The following CDC42BPA variants were observed in gnomAD, a reference collection of about 807,000 sequenced individuals.
The protein encoded by CDC42BPA is serine/threonine-protein kinase MRCK alpha.
In CDC42BPA, 80 loss-of-function variants were observed where a neutral mutation model predicts 223.5. That is an observed-to-expected ratio of 0.36 (90% CI 0.30 to 0.43). The LOEUF is 0.43. Among genes scored for constraint, CDC42BPA ranks in the 20% least tolerant of loss-of-function variants. The pLI, the probability that CDC42BPA is intolerant of heterozygous loss-of-function variation, is 1.00. For synonymous variants in CDC42BPA, 694 were observed against 718.6 expected (o/e 0.97, Z 0.55); for missense variants, 1,743 against 2,099.9 (o/e 0.83, Z 3.32).
intron 3 of CDC42BPA, among the ~76,000 whole-genome samples, chr1:227,202,159 T>C (rs1671891659): frequency 1.3e-5 from 2 of 152,260 alleles, no homozygotes; most frequent in South Asian, 2.1e-4. Flanking sequence ...ATTTTTTGTA[T>C]TTTTAGTAGA....
chr1:227,236,519 T>G (rs1679056485), intron 2 of CDC42BPA, among the ~76,000 whole-genome samples: 1 of 148,342 alleles, frequency 6.7e-6, no homozygotes, highest in African/African-American at 2.5e-5. Flanking sequence ...AAAAATAATT[T>G]GTAAGACATA....
In CDC42BPA at chr1:227,021,913, A is replaced by G. The variant is rs564463369; in HGVS notation, c.4615+1350T>C. On this transcript the variant is annotated intron_variant, in intron 32 of 36. Coordinates refer to ENST00000366766, the MANE Select transcript of CDC42BPA (RefSeq NM_001394014.1). ...TGCGTGCCTGTAATCCCAGCTACTC[A>G]GGAGGCTGAGGCAGGAGAATCGCTT... 1.2e-3 allele frequency among the ~76,000 whole-genome samples: 187 copies of G among 151,970 alleles called. 1 individual carries two copies. The highest frequency in any genetic ancestry group is 4.4e-3 in the African/African-American group (184 of 41,458).
intron 2 of CDC42BPA, among the ~76,000 whole-genome samples, chr1:227,236,108 G>C (rs552547924): frequency 1.3e-5 from 2 of 152,236 alleles, no homozygotes; most frequent in African/African-American, 4.8e-5. Context: ...GTGATTCTGT[G>C]AATGAACATT....
rs34787332 is a variant in CDC42BPA, at chr1:227,230,816, C to CTTTTTTTTTTTTTTTTTTTTTTTTTTTTT, written c.271-17598_271-17597insAAAAAAAAAAAAAAAAAAAAAAAAAAAAA. On this transcript the variant is annotated intron_variant, in intron 2 of 36. Coordinates refer to ENST00000366766, the MANE Select transcript of CDC42BPA (RefSeq NM_001394014.1). ...ACTGATTTCTATTTCTTTTTTCTTT[C>CTTTTTTTTTTTTTTTTTTTTTTTTTTTTT]TTTCTTTTTTTTTTTTTTTTTTTGA... Among the ~76,000 whole-genome samples, 29 of 54,046 alleles carry CTTTTTTTTTTTTTTTTTTTTTTTTTTTTT rather than the reference C, an allele frequency of 5.4e-4. 3 individuals are homozygous for CTTTTTTTTTTTTTTTTTTTTTTTTTTTTT. Among genetic ancestry groups the CTTTTTTTTTTTTTTTTTTTTTTTTTTTTT allele is most frequent in the Non-Finnish European group, 7.3e-4 (19 of 26,044 alleles). 35.5% of individuals were successfully genotyped at this position (54,046 alleles called of 152,430 possible).
intron 15 of CDC42BPA, among the ~76,000 whole-genome samples, chr1:227,093,843 G>C (rs150176660): frequency 1.3e-5 from 2 of 152,170 alleles, no homozygotes; most frequent in Non-Finnish European, 2.9e-5. Flanking sequence ...CCTTCAGGCA[G>C]CAAAAGACAG....
At chr1:227,089,927 G>A (rs576428107) in intron 16 of CDC42BPA, among the ~76,000 whole-genome samples, 2 of 152,086 alleles carry the variant, frequency 1.3e-5, no homozygotes, top group Non-Finnish European at 2.9e-5. Context: ...TCTTTTAGTA[G>A]GTAACTCAAC....
intron 3 of CDC42BPA, among the ~76,000 whole-genome samples, chr1:227,206,376 G>T (rs1232187365): frequency 6.6e-6 from 1 of 151,994 alleles, no homozygotes; most frequent in Non-Finnish European, 1.5e-5. Context: ...ATACCTTTCT[G>T]CCCAGGTATA....
rs560245220 is a variant in CDC42BPA, at chr1:227,144,162, C to G, written c.1144-1138G>C. On this transcript the variant is annotated intron_variant, in intron 8 of 36. Coordinates refer to ENST00000366766, the MANE Select transcript of CDC42BPA (RefSeq NM_001394014.1). ...TATATAACGTGTACCGATTATGTACCCACAAAAATTAAAAATAAAGATTTT... is the reference window on the plus strand; with the variant it reads ...TATATAACGTGTACCGATTATGTACGCACAAAAATTAAAAATAAAGATTTT... Among the ~76,000 whole-genome samples the G allele has an allele frequency of 2.0e-5, 3 of 151,660 alleles. No individual in the cohort carries two copies. The East Asian group carries it at 5.8e-4, about 29-fold the overall frequency.
intron 34 of CDC42BPA, among the ~76,000 whole-genome samples, chr1:227,015,378 A>C (rs1666000339): frequency 6.6e-6 from 1 of 151,496 alleles, no homozygotes; most frequent in South Asian, 2.1e-4. Flanking sequence ...AGCCGAGATC[A>C]CACCATTGCA....
At chr1:227,211,129 A>G (rs1673814339) in intron 3 of CDC42BPA, among the ~76,000 whole-genome samples, 1 of 152,206 alleles carries the variant, frequency 6.6e-6, no homozygotes, top group South Asian at 2.1e-4. Flanking sequence ...AGTGACAGTA[A>G]GGCAATTCAG....
chr1:227,098,136 T>C (rs950915541), intron 15 of CDC42BPA, among the ~76,000 whole-genome samples: 5 of 152,146 alleles, frequency 3.3e-5, no homozygotes, highest in African/African-American at 1.2e-4. Flanking sequence ...GATTCGGCGC[T>C]GCTAACACAA....
intron 20 of CDC42BPA, 25 bp downstream of exon 20, chr1:227,072,183 G>A (rs10495263): frequency 0.12 from 151,658 of 1,275,062 alleles, 10,529 homozygotes; most frequent in Middle Eastern, 0.15. Flanking sequence ...TAAGTCCTGA[G>A]TGAGGCAAAC....
chr1:227,067,384 C>A (rs1677307189), intron 21 of CDC42BPA, among the ~76,000 whole-genome samples: 1 of 151,580 alleles, frequency 6.6e-6, no homozygotes, highest in Non-Finnish European at 1.5e-5. Flanking sequence ...TTTTTTGTGA[C>A]AGGAAAAGGG....
chr1:227,293,971 A>C (rs1415872443), intron 1 of CDC42BPA, among the ~76,000 whole-genome samples: 2 of 152,084 alleles, frequency 1.3e-5, no homozygotes, highest in Non-Finnish European at 2.9e-5. Flanking sequence ...AAGTAAATTA[A>C]ATGTTTAAAA....
chr1:227,095,036 G>T (rs1280957541), intron 15 of CDC42BPA, among the ~76,000 whole-genome samples: 2 of 152,208 alleles, frequency 1.3e-5, no homozygotes, highest in Non-Finnish European at 2.9e-5. Flanking sequence ...GAAAATGCCA[G>T]AATGGAACTG....
Position 227,170,687 on chromosome 1 carries a change from TAAG to T in CDC42BPA, c.600-10054_600-10052del, listed in dbSNP as rs1197365779. ...ATGCATTGAATGACTGATAAGGAAA[TAAG>T]AAAGACCATGCCATTTCTACTAAAC... is the stretch of plus-strand genomic sequence containing the variant. On this transcript the variant is annotated intron_variant, in intron 5 of 36. Coordinates refer to ENST00000366766, the MANE Select transcript of CDC42BPA (RefSeq NM_001394014.1). Among the ~76,000 whole-genome samples, 3 of 152,112 alleles carry T rather than the reference TAAG, an allele frequency of 2.0e-5. No individual in the cohort carries two copies. The East Asian group carries it at 5.8e-4, about 29-fold the overall frequency.
At chr1:227,120,416 G>C (rs763930291) in intron 11 of CDC42BPA, among the ~76,000 whole-genome samples, 17 of 152,212 alleles carry the variant, frequency 1.1e-4, no homozygotes, top group South Asian at 8.3e-4. Flanking sequence ...TTTCTAAAGA[G>C]CAAATATCTG....
intron 34 of CDC42BPA, among the ~76,000 whole-genome samples, chr1:227,013,033 TGAA>T (rs1257859164): frequency 4.6e-5 from 7 of 152,128 alleles, no homozygotes; most frequent in African/African-American, 1.7e-4. Flanking sequence ...AATCTGGTTG[TGAA>T]GAAGAGGAAT....
intron 11 of CDC42BPA, among the ~76,000 whole-genome samples, chr1:227,128,671 A>C (rs11807511): frequency 0.032 from 4,813 of 152,276 alleles, 227 homozygotes; most frequent in African/African-American, 0.11. Context: ...TGCATTAACA[A>C]AGAAAATAAA....
Sources: gnomAD v4.1 joint callset for allele counts (sites outside exome capture counted in the v4.1 genomes callset) on GRCh38, gnomAD v4.1.1 for gene constraint, MANE v1.5 for transcripts, NCBI Gene and HGNC (gene_info 2026-07-23, HGNC 2026-07-21) for gene names.